The following ZEB2 variants were observed in gnomAD, a reference collection of about 807,000 sequenced individuals.
The protein encoded by ZEB2 is zinc finger E-box binding homeobox 2, also known as zinc finger E-box-binding homeobox 2.
Under a neutral mutation model 99.9 loss-of-function variants are expected in ZEB2, and 6 were observed. The observed-to-expected ratio is 0.06, with a 90% confidence interval of 0.03 to 0.12. The LOEUF (loss-of-function observed/expected upper bound fraction) is 0.12. ZEB2 is among the 10% of genes least tolerant of loss of function. ZEB2 has a pLI of 1.00. For synonymous variants in ZEB2, 517 were observed against 542.5 expected (o/e 0.95, Z 0.65); for missense variants, 969 against 1,502.8 (o/e 0.64, Z 5.87).
chr2:144,480,604 T>C (rs1704495900), intron 2 of ZEB2, among the ~76,000 whole-genome samples: 1 of 152,140 alleles, frequency 6.6e-6, no homozygotes, highest in Non-Finnish European at 1.5e-5. Flanking sequence ...CTTAGCTCTA[T>C]TACGCTATAA....
chr2:144,517,264 G>C lies in ZEB2; in HGVS notation c.73+14C>G, dbSNP rs763596572. The stretch of plus-strand genomic sequence containing the variant: ...GTAGTGGCCCGGAAAAGTTTGGTTC[G>C]GGCTGCTTCTTACCGTTTTTCCTCC... On this transcript the variant is annotated intron_variant, in intron 2 of 9. Coordinates refer to ENST00000627532, the MANE Select transcript of ZEB2 (RefSeq NM_014795.4). The C allele has an allele frequency of 1.2e-6, 2 of 1,613,226 alleles. No individual in the cohort carries two copies. Among genetic ancestry groups the C allele is most frequent in the Non-Finnish European group, 1.7e-6 (2 of 1,179,730 alleles).
intron 2 of ZEB2, chr2:144,430,414 T>C (rs1467599816): frequency 7.3e-6 from 2 of 275,634 alleles, no homozygotes; most frequent in Non-Finnish European, 1.5e-5. Context: ...GTATTTACTA[T>C]ATAATGTTGT....
intron 2 of ZEB2, among the ~76,000 whole-genome samples, chr2:144,433,029 T>C (rs1360289424): frequency 6.6e-6 from 1 of 152,178 alleles, no homozygotes; most frequent in African/African-American, 2.4e-5. Context: ...AGCCACCCTT[T>C]GCATGAGTCT....
chr2:144,392,312 T>G (rs566999971), intron 9 of ZEB2, among the ~76,000 whole-genome samples: 46 of 152,318 alleles, frequency 3.0e-4, no homozygotes, highest in African/African-American at 1.1e-3. Context: ...ATGATATGGC[T>G]TTCTTTTCCA....
At chr2:144,467,538 CAG>C (rs1172000770) in intron 2 of ZEB2, among the ~76,000 whole-genome samples, 1 of 152,106 alleles carries the variant, frequency 6.6e-6, no homozygotes, top group Non-Finnish European at 1.5e-5. Context: ...TGGTGGTTTG[CAG>C]AGTCTTTAAA....
chr2:144,514,048 T>TG (rs1705090323), intron 2 of ZEB2: 2 of 669,514 alleles, frequency 3.0e-6, no homozygotes, highest in Non-Finnish European at 4.6e-6. Context: ...CCTTTCCATG[T>TG]GGGGGAAAGG....
At chr2:144,453,382 A>T (rs1246856482) in intron 2 of ZEB2, among the ~76,000 whole-genome samples, 2 of 152,208 alleles carry the variant, frequency 1.3e-5, no homozygotes. Flanking sequence ...GTCTCTGATG[A>T]TCAAATCATA....
chr2:144,519,943 G>T lies in ZEB2; in HGVS notation c.-74C>A. 1 of 449,898 alleles carries T rather than the reference G, an allele frequency of 2.2e-6. No homozygotes were observed. The highest frequency in any genetic ancestry group is 1.6e-5 in the South Asian group (1 of 63,640). The allele number at this position is 449,898 out of a possible 1,614,324, so 27.9% of individuals were successfully genotyped here. Reference sequence around the variant, plus strand: ...AGGGGAGGAAAAAAAACCTACCTGCGAAGTCTTGTTTGTAGTTTTGGCCAG... The same window carrying T: ...AGGGGAGGAAAAAAAACCTACCTGCTAAGTCTTGTTTGTAGTTTTGGCCAG... On this transcript the variant is annotated 5_prime_UTR_variant, in exon 1 of 10. Coordinates refer to ENST00000627532, the MANE Select transcript of ZEB2 (RefSeq NM_014795.4).
intron 2 of ZEB2, among the ~76,000 whole-genome samples, chr2:144,446,031 C>T (rs1703978482): frequency 6.6e-6 from 1 of 152,086 alleles, no homozygotes; most frequent in African/African-American, 2.4e-5. Context: ...ACCTGCAGTG[C>T]CGTCTCCCTT....
Position 144,389,359 on chromosome 2 carries a change from C to T in ZEB2, c.*92G>A. 1 of 1,429,594 alleles carries T rather than the reference C, an allele frequency of 7.0e-7. No individual in the cohort carries two copies. The highest frequency in any genetic ancestry group is 1.1e-5 in the South Asian group (1 of 87,218). The allele number at this position is 1,429,594 out of a possible 1,614,324, so 88.6% of individuals were successfully genotyped here. A position where few individuals can be genotyped will look rare whatever the true frequency, so the allele number is the denominator to read the frequency against. On this transcript the variant is annotated 3_prime_UTR_variant, in exon 10 of 10. Coordinates refer to ENST00000627532, the MANE Select transcript of ZEB2 (RefSeq NM_014795.4). This position sits in a 1 kb window ranked among gnomAD's most constrained non-coding sequence, Gnocchi z 6.8. Reference sequence around the variant, plus strand: ...TCTACAGCTTCCTGGAAGCGTCAGGCACGTGCATGAACAGCTTAACACAGC... The same window carrying T: ...TCTACAGCTTCCTGGAAGCGTCAGGTACGTGCATGAACAGCTTAACACAGC...
chr2:144,448,089 T>C, intron 2 of ZEB2, among the ~76,000 whole-genome samples: 1 of 152,208 alleles, frequency 6.6e-6, no homozygotes, highest in Middle Eastern at 3.2e-3. Flanking sequence ...ATTATAATTA[T>C]TAGCCAAGTC....
chr2:144,460,394 T>A (rs1704176244), intron 2 of ZEB2, among the ~76,000 whole-genome samples: 1 of 152,090 alleles, frequency 6.6e-6, no homozygotes, highest in African/African-American at 2.4e-5. Context: ...TTATTTATTT[T>A]TTGGTCATCC....
At chr2:144,445,653 A>T (rs1210767110) in intron 2 of ZEB2, among the ~76,000 whole-genome samples, 1 of 151,496 alleles carries the variant, frequency 6.6e-6, no homozygotes, top group Non-Finnish European at 1.5e-5. Flanking sequence ...ACAACCCCTA[A>T]CTGAGACGCA....
intron 2 of ZEB2, among the ~76,000 whole-genome samples, chr2:144,433,885 G>A (rs565305559): frequency 6.0e-4 from 92 of 152,148 alleles, no homozygotes; most frequent in Non-Finnish European, 9.1e-4. Context: ...TTTTTATAAC[G>A]TCCATACCTG....
intron 4 of ZEB2, 44 bp downstream of exon 4, chr2:144,424,752 T>G: frequency 4.3e-6 from 7 of 1,610,866 alleles, no homozygotes; most frequent in South Asian, 1.1e-5. Flanking sequence ...TAAACCCACA[T>G]GACACAGGAC....
At chr2:144,517,032 C>T (rs538490845) in intron 2 of ZEB2, among the ~76,000 whole-genome samples, 28 of 149,732 alleles carry the variant, frequency 1.9e-4, no homozygotes, top group Non-Finnish European at 4.2e-4. Context: ...CGCGGGGCCC[C>T]GGCCGGACCC....
intron 2 of ZEB2, among the ~76,000 whole-genome samples, chr2:144,440,963 C>T (rs903123204): frequency 6.7e-6 from 1 of 150,132 alleles, no homozygotes; most frequent in Admixed American, 6.7e-5. Flanking sequence ...AGACTTTCCC[C>T]TTTTTTTGCC....
chr2:144,510,687 CCTCTCTCTCTCTCTCT>C (rs34688250), intron 2 of ZEB2, among the ~76,000 whole-genome samples: 1 of 147,870 alleles, frequency 6.8e-6, no homozygotes, highest in African/African-American at 2.5e-5. Flanking sequence ...CTACCCTGTG[CCTCTCTCTCTCTCTCT>C]CTCTCTCTCT....
chr2:144,404,208 CGGGATGGTATGACA>C, intron 5 of ZEB2, 78 bp from the exon 6 acceptor site: 1 of 1,502,556 alleles, frequency 6.7e-7, no homozygotes, highest in East Asian at 2.3e-5. Flanking sequence ...GCTGACTGCC[CGGGATGGTATGACA>C]GGAATCACTG....
Sources: allele counts gnomAD v4.1 joint callset (sites outside exome capture counted in the v4.1 genomes callset), GRCh38; gene constraint gnomAD v4.1.1; non-coding constraint Gnocchi (gnomAD v3.1); transcripts MANE v1.5; gene names NCBI Gene and HGNC (gene_info 2026-07-23, HGNC 2026-07-21).